The following MYO16 variants were observed in gnomAD, a reference collection of about 807,000 sequenced individuals.
The protein encoded by MYO16 is myosin XVI.
MYO16 carries 94 observed loss-of-function variants against 205.3 expected under a neutral mutation model. The observed-to-expected ratio is 0.46, with a 90% CI of 0.39 to 0.54. MYO16 has a LOEUF of 0.54. Among genes scored for constraint, MYO16 ranks in the 20% least tolerant of loss-of-function variants. MYO16 has a pLI of 0.00. For synonymous variants in MYO16, 988 were observed against 954.0 expected, an observed-to-expected ratio of 1.04 and a Z score of -0.66; for missense variants, 2,315 against 2,387.5, an observed-to-expected ratio of 0.97 and a Z score of 0.63.
At chr13:109,011,031 G>T (rs1885579519) in intron 22 of MYO16, among the ~76,000 whole-genome samples, 1 of 148,562 alleles carries the variant, frequency 6.7e-6, no homozygotes, top group Non-Finnish European at 1.5e-5. Flanking sequence ...CGGCCACTCT[G>T]AGCTTCTTGC....
At chr13:108,646,349 AAT>A (rs1311705692) in intron 1 of MYO16, among the ~76,000 whole-genome samples, 1 of 152,172 alleles carries the variant, frequency 6.6e-6, no homozygotes, top group Non-Finnish European at 1.5e-5. Context: ...CCATTTTATT[AAT>A]ATATTCAGAA....
At chr13:108,786,019 G>C (rs1886447164) in intron 5 of MYO16, among the ~76,000 whole-genome samples, 1 of 152,178 alleles carries the variant, frequency 6.6e-6, no homozygotes, top group Admixed American at 6.5e-5. Flanking sequence ...AGTGGGACTG[G>C]GTTTGTAATT....
intron 1 of MYO16, among the ~76,000 whole-genome samples, chr13:108,638,506 T>C (rs570308436): frequency 2.6e-5 from 4 of 152,304 alleles, no homozygotes; most frequent in East Asian, 1.9e-4. Flanking sequence ...ACTCTCTTTT[T>C]GGTTCCAGTT....
chr13:109,183,474 T>A (rs1276220283), intron 34 of MYO16, among the ~76,000 whole-genome samples: 1 of 152,234 alleles, frequency 6.6e-6, no homozygotes. Context: ...TAGTTACACA[T>A]CTGTTTAGGG....
At chr13:108,942,438 A>G (rs1039866332) in intron 16 of MYO16, among the ~76,000 whole-genome samples, 6 of 152,220 alleles carry the variant, frequency 3.9e-5, no homozygotes, top group African/African-American at 1.4e-4. Context: ...TACTAATTGG[A>G]ATGCACACAG....
At chr13:108,736,736 T>G (rs1220131610) in intron 4 of MYO16, among the ~76,000 whole-genome samples, 1 of 152,210 alleles carries the variant, frequency 6.6e-6, no homozygotes, top group African/African-American at 2.4e-5. Context: ...CCTTGGGCAG[T>G]ATGGCCATTT....
chr13:108,733,796 C>T (rs866059723), intron 4 of MYO16, among the ~76,000 whole-genome samples: 1 of 152,000 alleles, frequency 6.6e-6, no homozygotes, highest in Non-Finnish European at 1.5e-5. Context: ...GGTGAAACCC[C>T]GTCTCTACTA....
In MYO16 at chr13:108,897,667, G is replaced by T. The variant is rs1175223192; in HGVS notation, c.1660-349G>T. 3.9e-5 allele frequency among the ~76,000 whole-genome samples: 6 copies of T among 152,174 alleles called. 1 individual carries two copies. In the East Asian group the frequency reaches 1.2e-3, roughly 29 times the overall value. Reference sequence around the variant, plus strand: ...CAGATGACTCCTTCCCTTCCAAAATGCAAACGCTATTTTACTGTTCTATTC... The same window carrying T: ...CAGATGACTCCTTCCCTTCCAAAATTCAAACGCTATTTTACTGTTCTATTC... On this transcript the variant is annotated intron_variant, in intron 14 of 34. Transcript: ENST00000457511.
intron 4 of MYO16, among the ~76,000 whole-genome samples, chr13:108,759,693 C>A (rs1885537097): frequency 6.6e-6 from 1 of 150,550 alleles, no homozygotes; most frequent in Non-Finnish European, 1.5e-5. Context: ...TGGGGGCAGG[C>A]GCCTATAGTC....
chr13:108,749,279 A>G (rs906098577), intron 4 of MYO16, among the ~76,000 whole-genome samples: 3 of 152,164 alleles, frequency 2.0e-5, no homozygotes, highest in Non-Finnish European at 4.4e-5. Flanking sequence ...CTATCTGGCT[A>G]AAGTGTTTTG....
chr13:108,666,263 G>A lies in MYO16; in HGVS notation c.292+114G>A, dbSNP rs1275961355. 3 of 1,178,644 alleles carry A rather than the reference G, an allele frequency of 2.5e-6. No homozygotes were observed. In the East Asian group the frequency reaches 7.8e-5, roughly 31 times the overall value. 73.0% of individuals were successfully genotyped at this position (1,178,644 alleles called of 1,614,324 possible). A position where few individuals can be genotyped will look rare whatever the true frequency, so the allele number is the denominator to read the frequency against. Reference sequence around the variant, plus strand: ...GGGCAGAAAAGTCCTTTTAAATATTGGAGGCTACTATCTTTTAACTGTTTG... The same window carrying A: ...GGGCAGAAAAGTCCTTTTAAATATTAGAGGCTACTATCTTTTAACTGTTTG... On this transcript the variant is annotated intron_variant, in intron 2 of 34. Transcript: ENST00000457511.
intron 23 of MYO16, among the ~76,000 whole-genome samples, chr13:109,044,924 G>A (rs753202199): frequency 3.9e-5 from 6 of 152,120 alleles, no homozygotes; most frequent in East Asian, 1.9e-4. Flanking sequence ...TCCTGACCTC[G>A]TGATCTGTCC....
chr13:109,184,292 C>T lies in MYO16; in HGVS notation c.5415+4659C>T, dbSNP rs540411217. 1.1e-3 allele frequency among the ~76,000 whole-genome samples: 161 copies of T among 152,088 alleles called. 2 individuals carry two copies. Among genetic ancestry groups the T allele is most frequent in the South Asian group, 9.3e-3 (45 of 4,816 alleles). ...GTTCAGGGAATCCGTACTCACCACT[C>T]GTGACTTACAGATTATGTGCAAAAA... On this transcript the variant is annotated intron_variant, in intron 34 of 34. Coordinates refer to ENST00000457511, the MANE Select transcript of MYO16 (RefSeq NM_001198950.3).
At chr13:108,869,165 C>T (rs1878882764) in intron 12 of MYO16, among the ~76,000 whole-genome samples, 1 of 152,022 alleles carries the variant, frequency 6.6e-6, no homozygotes, top group Admixed American at 6.6e-5. Flanking sequence ...GGGACTCCCC[C>T]TAGGATTTTG....
At chr13:108,930,857 A>T (rs1469889207) in intron 16 of MYO16, among the ~76,000 whole-genome samples, 1 of 152,272 alleles carries the variant, frequency 6.6e-6, no homozygotes, top group Non-Finnish European at 1.5e-5. Context: ...GTATTTTAGT[A>T]AAGTTTGAGT....
intron 16 of MYO16, among the ~76,000 whole-genome samples, chr13:108,943,671 G>A (rs965006343): frequency 1.3e-5 from 2 of 151,600 alleles, no homozygotes; most frequent in South Asian, 2.1e-4. Context: ...GGCTGGTCTC[G>A]AACTCCTGAC....
At chr13:109,033,906 T>C (rs759694643) in intron 23 of MYO16, among the ~76,000 whole-genome samples, 2 of 152,108 alleles carry the variant, frequency 1.3e-5, no homozygotes, top group Non-Finnish European at 2.9e-5. Context: ...GAGAGGAAGA[T>C]AATTACCAAA....
chr13:108,533,200 T>C, the MYO16 span, among the ~76,000 whole-genome samples: 406 of 152,296 alleles, frequency 2.7e-3, 3 homozygotes, highest in African/African-American at 9.0e-3. Context: ...GCAACCTGTG[T>C]AGTCAAGGAT....
chr13:108,844,902 T>A lies in MYO16; in HGVS notation c.1248+409T>A, dbSNP rs771193077. Among the ~76,000 whole-genome samples the A allele has an allele frequency of 2.0e-4, 30 of 152,164 alleles. 1 individual carries two copies. Among genetic ancestry groups the A allele is most frequent in the Admixed American group, 9.8e-4 (15 of 15,252 alleles). On this transcript the variant is annotated intron_variant, in intron 10 of 34. Coordinates refer to ENST00000457511, the MANE Select transcript of MYO16 (RefSeq NM_001198950.3). ...TTATTCTTAAAAGTAACTGTGGTCA[T>A]GCATTGCATGTGTATCTGTACGTGT... is the stretch of plus-strand genomic sequence containing the variant.
Sources: allele counts gnomAD v4.1 joint callset (sites outside exome capture counted in the v4.1 genomes callset), GRCh38; gene constraint gnomAD v4.1.1; transcripts MANE v1.5; gene names NCBI Gene and HGNC (gene_info 2026-07-23, HGNC 2026-07-21).